Variants in NTM observed in about 807,000 individuals in gnomAD.
The protein encoded by NTM is IgLON family member 2.
Under a neutral mutation model 42.1 loss-of-function variants are expected in NTM, and 13 were observed. That is an observed-to-expected ratio of 0.31 (90% CI 0.20 to 0.49). NTM has a LOEUF of 0.49. Ranked by LOEUF, NTM falls within the 20% of genes least tolerant of loss-of-function variation. NTM has a pLI of 0.99. For missense variants in NTM, 373 were observed against 452.8 expected (o/e 0.82, Z 1.60); for synonymous variants, 187 against 179.2 (o/e 1.04, Z -0.35).
At chr11:131,954,011 A>G (rs1413211554) in intron 2 of NTM, among the ~76,000 whole-genome samples, 2 of 152,170 alleles carry the variant, frequency 1.3e-5, no homozygotes, top group Non-Finnish European at 2.9e-5. Flanking sequence ...AGGTGAATTT[A>G]TTGTATTTAA....
At position 131,687,102 on chromosome 11, in the gene NTM, G is replaced by T. The variant is rs372455721; in HGVS notation, c.83-224462G>T. Among the ~76,000 whole-genome samples the T allele has an allele frequency of 1.4e-3, 216 of 152,306 alleles. 3 individuals carry two copies. The South Asian group carries it at 0.043, about 30-fold the overall frequency. On this transcript the variant is annotated intron_variant, in intron 1 of 8. Coordinates refer to ENST00000683400, the MANE Select transcript of NTM (RefSeq NM_001352005.2). ...ACCTCACTTGCGGGTCAGGACTCAGGGGCAGGTCAGGGCTCAGTCCCAGGG... is the reference window on the plus strand; with the variant it reads ...ACCTCACTTGCGGGTCAGGACTCAGTGGCAGGTCAGGGCTCAGTCCCAGGG...
At chr11:131,586,410 C>G (rs549773981) in intron 1 of NTM, among the ~76,000 whole-genome samples, 10 of 152,320 alleles carry the variant, frequency 6.6e-5, no homozygotes, top group African/African-American at 2.2e-4. Context: ...TCCTCTTGGG[C>G]AAGCTCTCTC....
rs370883724 is a variant in NTM, at chr11:132,134,082, C to A, written c.168-12200C>A. Among the ~76,000 whole-genome samples the A allele has an allele frequency of 4.4e-4, 67 of 152,156 alleles. 1 individual carries two copies. The highest frequency in any genetic ancestry group is 9.1e-4 in the Non-Finnish European group (62 of 68,036). On this transcript the variant is annotated intron_variant, in intron 2 of 8. Coordinates refer to ENST00000683400, the MANE Select transcript of NTM (RefSeq NM_001352005.2). ...GGGACTATAGGCACATGCCACCCTG[C>A]CCAGCCATTTTTTTTCTTTTTTTGT...
intron 2 of NTM, among the ~76,000 whole-genome samples, chr11:131,999,931 C>T (rs543818045): frequency 2.0e-5 from 3 of 151,276 alleles, no homozygotes; most frequent in African/African-American, 4.9e-5. Context: ...GCTCTTCTTC[C>T]TCTCCTCCTC....
intron 1 of NTM, among the ~76,000 whole-genome samples, chr11:131,805,982 T>C (rs2092459949): frequency 6.6e-6 from 1 of 152,372 alleles, no homozygotes; most frequent in Admixed American, 6.5e-5. Context: ...AACCACATGA[T>C]AACATATTTT....
intron 7 of NTM, among the ~76,000 whole-genome samples, chr11:132,321,173 A>G (rs779304870): frequency 8.5e-5 from 13 of 152,356 alleles, no homozygotes; most frequent in South Asian, 2.1e-4. Context: ...AAAGCTGGAC[A>G]GAGAATGACT....
intron 1 of NTM, among the ~76,000 whole-genome samples, chr11:131,521,900 G>A (rs1316862579): frequency 6.6e-6 from 1 of 152,034 alleles, no homozygotes; most frequent in Non-Finnish European, 1.5e-5. Flanking sequence ...CTTTGTAATT[G>A]CTGAAGACCT....
At position 132,310,078 on chromosome 11, in the gene NTM, G is replaced by A. The variant is rs566582074; in HGVS notation, c.662-34G>A. On this transcript the variant is annotated intron_variant, in intron 5 of 8. Transcript: ENST00000683400. The stretch of plus-strand genomic sequence containing the variant: ...TCTCAAAAAAAAAAAAAAAAAAGGT[G>A]GGGGGGCGGCTATGAGACATCTTCT... 40 of 1,540,648 alleles carry A rather than the reference G, an allele frequency of 2.6e-5. No homozygotes were observed. In the East Asian group the frequency reaches 3.3e-4, roughly 13 times the overall value.
At chr11:131,722,021 A>AAAGAGAG (rs368857349) in intron 1 of NTM, among the ~76,000 whole-genome samples, 1 of 112,746 alleles carries the variant, frequency 8.9e-6, no homozygotes, top group Admixed American at 8.5e-5. Context: ...AAAAAAAAAA[A>AAAGAGAG]AGAGAGAAAG....
chr11:132,329,803 T>C (rs2095762410), intron 7 of NTM, among the ~76,000 whole-genome samples: 1 of 152,236 alleles, frequency 6.6e-6, no homozygotes, highest in Admixed American at 6.5e-5. Context: ...CTACAAAGCC[T>C]ATTTGGTTTG....
chr11:132,155,001 C>T (rs961930019), intron 3 of NTM, among the ~76,000 whole-genome samples: 1 of 152,048 alleles, frequency 6.6e-6, no homozygotes, highest in Non-Finnish European at 1.5e-5. Context: ...ATATTCATGT[C>T]TTTGTGGTAA....
intron 1 of NTM, among the ~76,000 whole-genome samples, chr11:131,373,603 G>A (rs1044413879): frequency 1.3e-5 from 2 of 151,340 alleles, no homozygotes; most frequent in African/African-American, 2.4e-5. Context: ...TCGTTGCCGG[G>A]AGCAGACGCT....
intron 4 of NTM, among the ~76,000 whole-genome samples, chr11:132,295,252 TTGATA>T (rs569588831): frequency 7.2e-5 from 11 of 152,252 alleles, no homozygotes; most frequent in African/African-American, 2.2e-4. Context: ...TGATTAACAA[TTGATA>T]TGATATAACG....
rs149954691 is a variant in NTM at position 131,985,538 on chromosome 11, C to T, written c.167+73890C>T. The stretch of plus-strand genomic sequence containing the variant: ...CACGGGTGTCAGGCTTGGCCTCAGG[C>T]GGCATCCGGGAATGGTGCATCAGGA... On this transcript the variant is annotated intron_variant, in intron 2 of 8. Transcript: ENST00000683400. Among the ~76,000 whole-genome samples the T allele has an allele frequency of 1.9e-3, 288 of 152,260 alleles. 1 individual carries two copies. The highest frequency in any genetic ancestry group is 6.3e-3 in the African/African-American group (262 of 41,558).
intron 3 of NTM, among the ~76,000 whole-genome samples, chr11:132,183,033 C>T (rs940740202): frequency 2.6e-5 from 4 of 152,174 alleles, no homozygotes; most frequent in African/African-American, 7.2e-5. Flanking sequence ...GTTCCTGTCA[C>T]ACTCTATATT....
intron 1 of NTM, among the ~76,000 whole-genome samples, chr11:131,521,714 G>A (rs1190427238): frequency 6.6e-6 from 1 of 151,916 alleles, no homozygotes; most frequent in Non-Finnish European, 1.5e-5. Context: ...CCTCCCACTA[G>A]GCTCCCCTCC....
intron 2 of NTM, among the ~76,000 whole-genome samples, chr11:131,951,009 T>C (rs1363301788): frequency 1.3e-5 from 2 of 152,218 alleles, no homozygotes; most frequent in Non-Finnish European, 2.9e-5. Flanking sequence ...AATTGTTTTT[T>C]TTTAATGGAC....
chr11:132,129,445 T>C (rs945262229), intron 2 of NTM, among the ~76,000 whole-genome samples: 2 of 152,192 alleles, frequency 1.3e-5, no homozygotes, highest in African/African-American at 4.8e-5. Context: ...AATCAGCCGA[T>C]GTATCAGAAC....
At chr11:131,834,947 C>T (rs1250336201) in intron 1 of NTM, among the ~76,000 whole-genome samples, 2 of 151,950 alleles carry the variant, frequency 1.3e-5, no homozygotes, top group African/African-American at 4.8e-5. Context: ...AGAGAGAGGT[C>T]ACCACCATTG....
Sources: allele counts gnomAD v4.1 joint callset (sites outside exome capture counted in the v4.1 genomes callset), GRCh38; gene constraint gnomAD v4.1.1; transcripts MANE v1.5; gene names NCBI Gene and HGNC (gene_info 2026-07-23, HGNC 2026-07-21).